PLEC: variants seen among roughly 807,000 people sequenced by gnomAD.
PLEC encodes the protein plectin.
In PLEC, 216 loss-of-function variants were observed where a neutral mutation model predicts 392.8. That is an observed-to-expected ratio of 0.55 (90% confidence interval 0.49 to 0.62). The LOEUF is 0.62. Among genes scored for constraint, PLEC ranks in the 20% least tolerant of loss-of-function variants. The pLI is 0.00. For synonymous variants in PLEC, 3,621 were observed against 2,980.6 expected (o/e 1.21, Z -7.00); for missense variants, 6,863 against 6,563.4 (o/e 1.05, Z -1.58).
At chr8:143,972,480 G>A (rs1833479446) in intron 1 of PLEC, among the ~76,000 whole-genome samples, 1 of 152,224 alleles carries the variant, frequency 6.6e-6, no homozygotes, top group African/African-American at 2.4e-5. Context: ...GCTGGGCAAG[G>A]TTGTGGTGGA....
chr8:143,918,362 AG>A lies in PLEC; in HGVS notation c.11458del (p.Leu3820TrpfsTer64). On this transcript the variant is annotated frameshift_variant, in exon 32 of 32. Coordinates refer to ENST00000345136, the MANE Select transcript of PLEC (RefSeq NM_201384.3). LOFTEE classifies it high-confidence loss of function. ...GTAGCCACGCTGGTAAGCCACCTCC[AG>A]GGGAAGGTGGAAGCCCAGGCGGGGG... is the stretch of plus-strand genomic sequence containing the variant. ...VDPRLGFHLP[L>X]EVAYQRGYLN... is the part of the protein sequence containing the mutation. The A allele has an allele frequency of 6.4e-7, 1 of 1,574,120 alleles. No individual in the cohort carries two copies.
chr8:143,918,956 A>G lies in PLEC; in HGVS notation c.10865T>C (p.Ile3622Thr). The stretch of plus-strand genomic sequence containing the variant: ...CTCTGTCTTCTCAATGATCTCGATG[A>G]TGATGATGATCATGCGTTCCTTGGT... The part of the protein sequence containing the change: ...RVTKERMIII[I>T]IEIIEKTEII... Residue 3622 changes from isoleucine to threonine, a missense_variant, in exon 32 of 32, where the codon ATC becomes ACC. By Grantham distance (89) the Ile-to-Thr change is moderately conservative (BLOSUM62 -1). Transcript: ENST00000345136. The G allele has an allele frequency of 6.2e-7, 1 of 1,610,784 alleles. No homozygotes were observed. Among genetic ancestry groups the G allele is most frequent in the Non-Finnish European group, 8.5e-7 (1 of 1,179,994 alleles).
chr8:143,936,236 G>A (rs1166352688), intron 5 of PLEC, among the ~76,000 whole-genome samples: 1 of 152,148 alleles, frequency 6.6e-6, no homozygotes, highest in Non-Finnish European at 1.5e-5. Flanking sequence ...TCCAGCCGGT[G>A]GCAGCTGCCA....
In PLEC at chr8:143,920,385, G is replaced by A. The variant is rs1321341440; in HGVS notation, c.9436C>T (p.Pro3146Ser). 2.5e-6 allele frequency: 4 copies of A among 1,591,654 alleles called. No individual in the cohort carries two copies. The South Asian group carries it at 4.4e-5, about 18-fold the overall frequency. Residue 3146 changes from proline to serine, a missense_variant, in exon 32 of 32, where the codon CCC (proline) becomes TCC (serine). By Grantham distance (74) the Pro-to-Ser change is moderately conservative (BLOSUM62 -1). Transcript: ENST00000345136. ...AQLSTGGIVDPSKSHRVPLDV... is the reference protein window; with the variant it reads ...AQLSTGGIVDSSKSHRVPLDV... ...AGGGGCACGCGGTGGCTCTTGCTGG[G>A]GTCCACGATGCCGCCCGTGGACAGC...
rs781954209 is a variant in PLEC at position 143,937,039 on chromosome 8, G to A, written c.375C>T (p.Ile125=). ...GGGTCAGCTTGGGGTTGCCGTCAGCGATGTCATCATTCCTGATGTTCACCA... is the reference window on the plus strand; with the variant it reads ...GGGTCAGCTTGGGGTTGCCGTCAGCAATGTCATCATTCCTGATGTTCACCA... The part of the protein sequence containing the change: ...VKLVNIRNDD[I]ADGNPKLTLG... Residue 125 remains isoleucine (I), a synonymous_variant, in exon 5 of 32, where the codon ATC becomes ATT. Transcript: ENST00000345136. 18 of 1,612,922 alleles carry A rather than the reference G, an allele frequency of 1.1e-5. No individual in the cohort carries two copies. The highest frequency in any genetic ancestry group is 1.1e-4 in the East Asian group (5 of 44,876).
chr8:143,972,335 G>C (rs960655740), intron 1 of PLEC, among the ~76,000 whole-genome samples: 5 of 152,084 alleles, frequency 3.3e-5, no homozygotes, highest in African/African-American at 1.2e-4. Flanking sequence ...TGGCCCGAAT[G>C]AACTAGTCAC....
upstream of PLEC, among the ~76,000 whole-genome samples, chr8:143,943,561 G>A (rs1048442940): frequency 5.9e-5 from 9 of 152,134 alleles, no homozygotes; most frequent in South Asian, 4.1e-4. Flanking sequence ...CACCTGTCCC[G>A]CACAGGCTGC....
chr8:143,931,512 C>T (rs1360100712), intron 19 of PLEC, 22 bp downstream of exon 19: 1 of 1,556,306 alleles, frequency 6.4e-7, no homozygotes, highest in Non-Finnish European at 8.7e-7. Flanking sequence ...CCTGACACGC[C>T]CCTGCACACC....
chr8:143,938,246 G>A lies in PLEC; in HGVS notation c.175-6C>T, dbSNP rs377389860. 1,440 of 1,592,512 alleles carry A rather than the reference G, an allele frequency of 9.0e-4. 16 individuals carry two copies. In the African/African-American group the frequency reaches 0.017, roughly 18 times the overall value. ...TCACTGATGTGCCTCTGGGCCTGTGGGGACAGCAGCGGCTGAGGTGGCCAG... is the reference window on the plus strand; with the variant it reads ...TCACTGATGTGCCTCTGGGCCTGTGAGGACAGCAGCGGCTGAGGTGGCCAG... On this transcript the variant is annotated splice_region_variant and splice_polypyrimidine_tract_variant and intron_variant, in intron 2 of 31. Transcript: ENST00000345136.
At chr8:143,961,314 C>T (rs1440538631) in intron 1 of PLEC, among the ~76,000 whole-genome samples, 1 of 152,142 alleles carries the variant, frequency 6.6e-6, no homozygotes, top group Non-Finnish European at 1.5e-5. Context: ...CAACCTCCGC[C>T]TCCCAGGTTC....
In PLEC at chr8:143,925,146, A is replaced by G; in HGVS notation, c.4783T>C (p.Ser1595Pro). 12 of 1,557,200 alleles carry G rather than the reference A, an allele frequency of 7.7e-6. No homozygotes were observed. The highest frequency in any genetic ancestry group is 1.0e-5 in the Non-Finnish European group (12 of 1,159,890). The change falls in exon 31 of 32, where the codon TCC (serine) becomes CCC (proline). Residue 1595 changes from serine to proline, a missense_variant. Physicochemically the swap from Ser to Pro is moderately conservative, Grantham distance 74. Coordinates refer to ENST00000345136, the MANE Select transcript of PLEC (RefSeq NM_201384.3). The part of the protein sequence containing the change: ...FAEKTAQLER[S>P]LQEEHVAVAQ... ...ACAGCCACGTGTTCCTCCTGCAGGG[A>G]GCGCTCCAGCTGTGCCGTCTTCTCG...
At chr8:143,925,996 G>T (rs1554704786) in intron 30 of PLEC, 112 bp from the exon 31 acceptor site, 2 of 1,197,396 alleles carry the variant, frequency 1.7e-6, no homozygotes, top group Non-Finnish European at 2.4e-6. Context: ...CAGGGGTCGG[G>T]GAAGACAGAG....
chr8:143,934,347 C>T lies in PLEC; in HGVS notation c.1140G>A (p.Arg380=). ...CAAACTCGCTGCGGAGCTGCTTCTC[C>T]CGCTCCAGGATGGCCACGTGCAGCT... The part of the protein sequence containing the change: ...WGKLHVAILE[R]EKQLRSEFER... Residue 380 remains arginine (R), a synonymous_variant, in exon 11 of 32, where the codon CGG becomes CGA. Coordinates refer to ENST00000345136, the MANE Select transcript of PLEC (RefSeq NM_201384.3). The T allele has an allele frequency of 1.2e-6, 2 of 1,612,596 alleles. No individual in the cohort carries two copies. The highest frequency in any genetic ancestry group is 8.5e-7 in the Non-Finnish European group (1 of 1,179,946).
In PLEC at chr8:143,934,065, G is replaced by A. The variant is rs1554720149; in HGVS notation, c.1196C>T (p.Thr399Ile). The change falls in exon 12 of 32, where the codon ACC becomes ATC. Residue 399 changes from threonine (T) to isoleucine (I), a missense_variant. Thr to Ile is a moderately conservative substitution (Grantham distance 89). Transcript: ENST00000345136. ...ERLECLQRIV[T>I]KLQMEAGLCE... ...CAGCCCCGCCTCCATCTGCAGCTTG[G>A]TCACGATGCGCTGAAGACACTCCAG... 2 of 1,611,866 alleles carry A rather than the reference G, an allele frequency of 1.2e-6. No homozygotes were observed. Among genetic ancestry groups the A allele is most frequent in the Admixed American group, 3.3e-5 (2 of 59,964 alleles).
intron 25 of PLEC, among the ~76,000 whole-genome samples, chr8:143,928,413 G>C (rs1425875240): frequency 6.6e-6 from 1 of 152,226 alleles, no homozygotes; most frequent in Admixed American, 6.5e-5. Context: ...CCCTATCACT[G>C]TGCTGGTTCT....
chr8:143,944,036 C>A, upstream of PLEC: 3 of 1,268,416 alleles, frequency 2.4e-6, no homozygotes, highest in Admixed American at 2.4e-5. Context: ...GCCCCATACG[C>A]GGCGGCAGCC....
chr8:143,928,981 C>G, intron 25 of PLEC, 122 bp downstream of exon 25: 1 of 915,326 alleles, frequency 1.1e-6, no homozygotes. Context: ...CTCCCGCCTC[C>G]TGGCCAGATC....
intron 1 of PLEC, among the ~76,000 whole-genome samples, chr8:143,947,396 C>T (rs1587341216): frequency 6.6e-6 from 1 of 152,218 alleles, no homozygotes; most frequent in Admixed American, 6.5e-5. Context: ...GCTCAGCTGG[C>T]GTCTCCTCCA....
upstream of PLEC, among the ~76,000 whole-genome samples, chr8:143,954,899 G>T (rs938026761): frequency 6.6e-6 from 1 of 152,180 alleles, no homozygotes; most frequent in African/African-American, 2.4e-5. The surrounding 1 kb of genome is among the most constrained non-coding windows in gnomAD (Gnocchi z 4.6). Flanking sequence ...GCCTTCACCC[G>T]CAAGTCCTTC....
Sources: gnomAD v4.1 joint callset for allele counts (sites outside exome capture counted in the v4.1 genomes callset) on GRCh38, gnomAD v4.1.1 for gene constraint, Gnocchi (gnomAD v3.1) non-coding constraint, MANE v1.5 for transcripts, NCBI Gene and HGNC (gene_info 2026-07-23, HGNC 2026-07-21) for gene names.